Variants in SPEG observed in about 807,000 individuals in gnomAD.
SPEG encodes the protein striated muscle preferentially expressed protein kinase.
Under a neutral mutation model 300.4 loss-of-function variants are expected in SPEG, and 114 were observed. The ratio of observed to expected loss-of-function variants is 0.38; its 90% CI spans 0.33 to 0.44. SPEG has a LOEUF of 0.44. SPEG is among the 20% of genes least tolerant of loss of function. The pLI is 1.00. For missense variants in SPEG, 4,201 were observed against 4,586.2 expected, an observed-to-expected ratio of 0.92 and a Z score of 2.43; for synonymous variants, 1,964 against 2,018.9, an observed-to-expected ratio of 0.97 and a Z score of 0.73.
rs1347414863 is a variant in SPEG at position 219,451,061 on chromosome 2, C to T, written c.2114-75C>T. ...GGGTTTGGCTTTCTAGGATGCAGGCCACCAGGACTCTCTCTCCCGCTGTCA... is the reference window on the plus strand; with the variant it reads ...GGGTTTGGCTTTCTAGGATGCAGGCTACCAGGACTCTCTCTCCCGCTGTCA... On this transcript the variant is annotated intron_variant, in intron 4 of 40. Transcript: ENST00000312358. The surrounding 1 kb of genome is among the most constrained non-coding windows in gnomAD (Gnocchi z 6.4). 9 of 1,434,752 alleles carry T rather than the reference C, an allele frequency of 6.3e-6. No homozygotes were observed. The highest frequency in any genetic ancestry group is 5.2e-5 in the Admixed American group (2 of 38,548). The allele number at this position is 1,434,752 out of a possible 1,614,324, so 88.9% of individuals were successfully genotyped here.
chr2:219,454,410 T>TTAA (rs1451992226), intron 6 of SPEG, among the ~76,000 whole-genome samples: 2 of 152,150 alleles, frequency 1.3e-5, no homozygotes, highest in African/African-American at 2.4e-5. Flanking sequence ...AGAAGTGTGC[T>TTAA]TAACCAAAGC....
chr2:219,488,170 T>C (rs1055503462), intron 31 of SPEG, 24 bp from the exon 32 acceptor site: 29 of 1,549,308 alleles, frequency 1.9e-5, no homozygotes, highest in Non-Finnish European at 2.6e-5. Context: ...TACAGATAGA[T>C]GGCTGTCTCT....
chr2:219,448,513 C>T lies in SPEG; in HGVS notation c.1355C>T (p.Ala452Val). 6.9e-7 allele frequency: 1 copy of T among 1,449,732 alleles called. No individual in the cohort carries two copies. The highest frequency in any genetic ancestry group is 1.4e-5 in the South Asian group (1 of 72,614). The allele number at this position is 1,449,732 out of a possible 1,614,324, so 89.8% of individuals were successfully genotyped here. A position where few individuals can be genotyped will look rare whatever the true frequency, so the allele number is the denominator to read the frequency against. ...GGCGCACCGTGGGGCACCCCCGGGG[C>T]CTCGCAGGAAGAACTGCGGGCGCCA... ...ERGAPWGTPGASQEELRAPGS... is the reference protein window; with the variant it reads ...ERGAPWGTPGVSQEELRAPGS... Residue 452 changes from alanine (A) to valine (V), a missense_variant, in exon 4 of 41, where the codon GCC becomes GTC. Ala to Val is a moderately conservative substitution (Grantham distance 64, BLOSUM62 0). Around this residue, in one of 4 missense-constraint regions of SPEG, gnomAD observed 1,258 missense variants for 1,293.9 expected, o/e 0.97. Transcript: ENST00000312358.
rs1333004147 is a variant in SPEG, at chr2:219,468,691, A to C, written c.3256A>C (p.Lys1086Gln). Residue 1086 changes from lysine to glutamine, a missense_variant, in exon 11 of 41, where the codon AAG becomes CAG. Physicochemically the swap from Lys to Gln is moderately conservative, Grantham distance 53. Transcript: ENST00000312358. Reference sequence around the variant, plus strand: ...GGGCCGAGCTGCCCGTTTCGACTGCAAGATCAGTGGCACCCCGCCCCCTGT... The same window carrying C: ...GGGCCGAGCTGCCCGTTTCGACTGCCAGATCAGTGGCACCCCGCCCCCTGT... ...LEGRAARFDC[K>Q]ISGTPPPVVT... 6.2e-7 allele frequency: 1 copy of C among 1,613,996 alleles called. No homozygotes were observed. Among genetic ancestry groups the C allele is most frequent in the East Asian group, 2.2e-5 (1 of 44,894 alleles).
chr2:219,472,161 G>A (rs1691933922), intron 14 of SPEG, 66 bp from the exon 15 acceptor site: 1 of 1,568,542 alleles, frequency 6.4e-7, no homozygotes, highest in Admixed American at 1.7e-5. Flanking sequence ...CCTGCCCTGA[G>A]GCTCGGTGAT....
chr2:219,470,688 C>T (rs942623643), intron 13 of SPEG, among the ~76,000 whole-genome samples: 4 of 152,302 alleles, frequency 2.6e-5, no homozygotes, highest in African/African-American at 4.8e-5. Flanking sequence ...TCTGTGTCTT[C>T]GCCAGAGACA....
rs1188184382 is a variant in SPEG, at chr2:219,458,290, C to G, written c.2441-3592C>G. The stretch of plus-strand genomic sequence containing the variant: ...AGCCACAAGGGTCATGAGGCTCTGC[C>G]TATGAGGGGAGCTTGGCAAAGAGAC... On this transcript the variant is annotated intron_variant, in intron 6 of 40. Coordinates refer to ENST00000312358, the MANE Select transcript of SPEG (RefSeq NM_005876.5). This position sits in a 1 kb window ranked among gnomAD's most constrained non-coding sequence, Gnocchi z 4.2. Among the ~76,000 whole-genome samples the G allele has an allele frequency of 6.6e-6, 1 of 152,160 alleles. No homozygotes were observed. Among genetic ancestry groups the G allele is most frequent in the African/African-American group, 2.4e-5 (1 of 41,410 alleles).
At chr2:219,450,382 G>A (rs1402196387) in intron 4 of SPEG, among the ~76,000 whole-genome samples, 1 of 152,208 alleles carries the variant, frequency 6.6e-6, no homozygotes, top group Non-Finnish European at 1.5e-5. Flanking sequence ...GCAGAATTGG[G>A]ATTTTCACTG....
rs1259426094 is a variant in SPEG at position 219,493,038 on chromosome 2, A to G, written c.*252A>G. 19 of 694,326 alleles carry G rather than the reference A, an allele frequency of 2.7e-5. No individual in the cohort carries two copies. In the East Asian group the frequency reaches 5.2e-4, roughly 19 times the overall value. The allele number at this position is 694,326 out of a possible 1,614,324, so 43.0% of individuals were successfully genotyped here. ...CAGCAGGGTGGGAACAGGCAGAGGGACAAGAGGGGAATGGAGAAGTGGAGA... is the reference window on the plus strand; with the variant it reads ...CAGCAGGGTGGGAACAGGCAGAGGGGCAAGAGGGGAATGGAGAAGTGGAGA... On this transcript the variant is annotated 3_prime_UTR_variant, in exon 41 of 41. Coordinates refer to ENST00000312358, the MANE Select transcript of SPEG (RefSeq NM_005876.5).
In SPEG at chr2:219,490,404, C is replaced by T; in HGVS notation, c.8922-5C>T. ...GCCGGTGGTGTCCCTCCCCCCGACA[C>T]ACAGGGGCCGCTTTGGTGTTGTGCG... is the stretch of plus-strand genomic sequence containing the variant. On this transcript the variant is annotated splice_region_variant and splice_polypyrimidine_tract_variant and intron_variant, in intron 36 of 40. Coordinates refer to ENST00000312358, the MANE Select transcript of SPEG (RefSeq NM_005876.5). 1 of 1,607,918 alleles carries T rather than the reference C, an allele frequency of 6.2e-7. No individual in the cohort carries two copies. Among genetic ancestry groups the T allele is most frequent in the Non-Finnish European group, 8.5e-7 (1 of 1,177,098 alleles).
chr2:219,441,455 C>G (rs1688910755), intron 1 of SPEG: 2 of 465,144 alleles, frequency 4.3e-6, no homozygotes, highest in South Asian at 3.1e-5. Context: ...CCTTGCCCTG[C>G]GTTTGACCTA....
In SPEG at chr2:219,467,211, C is replaced by T. The variant is rs757462910; in HGVS notation, c.2919C>T (p.Pro973=). The T allele has an allele frequency of 1.3e-6, 2 of 1,594,078 alleles. No homozygotes were observed. The highest frequency in any genetic ancestry group is 1.1e-5 in the South Asian group (1 of 90,444). Residue 973 remains proline, a synonymous_variant, in exon 10 of 41, where the codon CCC becomes CCT. Coordinates refer to ENST00000312358, the MANE Select transcript of SPEG (RefSeq NM_005876.5). ...GCCGGTCCCTGGCCGTGCTGGCCCC[C>T]CTGCAGGACGTGGACGTGGGGGCCG... The part of the protein sequence containing the change: ...PESRSLAVLA[P]LQDVDVGAGE...
chr2:219,465,888 T>TGC (rs1691251434), intron 9 of SPEG: 7 of 632,700 alleles, frequency 1.1e-5, no homozygotes, highest in Non-Finnish European at 2.0e-5. Context: ...TGCGTGTGCA[T>TGC]GTGTGCGTAT....
chr2:219,467,681 G>A (rs1048954647), intron 10 of SPEG, among the ~76,000 whole-genome samples: 15 of 152,248 alleles, frequency 9.9e-5, no homozygotes, highest in Non-Finnish European at 2.2e-4. Flanking sequence ...GGTGAACGTG[G>A]GTTCCCACGC....
At chr2:219,436,623 G>A (rs991021145) in intron 1 of SPEG, among the ~76,000 whole-genome samples, 8 of 152,176 alleles carry the variant, frequency 5.3e-5, no homozygotes, top group Non-Finnish European at 1.0e-4. Flanking sequence ...TCAGGAGAGG[G>A]AGCCGGGCTG....
rs772243155 is a variant in SPEG at position 219,451,582 on chromosome 2, G to A, written c.2258-43G>A. The A allele has an allele frequency of 2.7e-6, 4 of 1,460,016 alleles. No homozygotes were observed. Among genetic ancestry groups the A allele is most frequent in the Middle Eastern group, 2.1e-4 (1 of 4,790 alleles). 90.4% of individuals were successfully genotyped at this position (1,460,016 alleles called of 1,614,324 possible). A position where few individuals can be genotyped will look rare whatever the true frequency, so the allele number is the denominator to read the frequency against. Reference sequence around the variant, plus strand: ...GTAGGAGTAGAGATTCTCAGTGGGCGCCTGTGGGCCGTGGCGAGCCGGGTC... The same window carrying A: ...GTAGGAGTAGAGATTCTCAGTGGGCACCTGTGGGCCGTGGCGAGCCGGGTC... On this transcript the variant is annotated intron_variant, in intron 5 of 40. Coordinates refer to ENST00000312358, the MANE Select transcript of SPEG (RefSeq NM_005876.5). This position sits in a 1 kb window ranked among gnomAD's most constrained non-coding sequence, Gnocchi z 6.4.
In SPEG at chr2:219,439,492, C is replaced by A. The variant is rs552694548; in HGVS notation, c.388+4127C>A. On this transcript the variant is annotated intron_variant, in intron 1 of 40. Coordinates refer to ENST00000312358, the MANE Select transcript of SPEG (RefSeq NM_005876.5). This position sits in a 1 kb window ranked among gnomAD's most constrained non-coding sequence, Gnocchi z 4.5. ...CTGAACTGAGGCAGGAAAGAGGAGA[C>A]AAAAGGGAGGTGGGGTGGGAGCTTG... Among the ~76,000 whole-genome samples the A allele has an allele frequency of 2.0e-5, 3 of 152,202 alleles. No homozygotes were observed. In the East Asian group the frequency reaches 5.8e-4, roughly 29 times the overall value.
intron 4 of SPEG, chr2:219,450,903 A>C: frequency 2.2e-6 from 1 of 444,974 alleles, no homozygotes; most frequent in Non-Finnish European, 4.0e-6. Context: ...AGGAACGGCC[A>C]CACTAACATG....
chr2:219,440,330 G>A (rs1376011134), intron 1 of SPEG, among the ~76,000 whole-genome samples: 1 of 152,144 alleles, frequency 6.6e-6, no homozygotes, highest in Non-Finnish European at 1.5e-5. Flanking sequence ...CAAGGTTGCA[G>A]TGAGCCATGA....
Sources: allele counts gnomAD v4.1 joint callset (sites outside exome capture counted in the v4.1 genomes callset), GRCh38; gene constraint gnomAD v4.1.1; regional missense constraint gnomAD v4.1.1; non-coding constraint Gnocchi (gnomAD v3.1); transcripts MANE v1.5; gene names NCBI Gene and HGNC (gene_info 2026-07-23, HGNC 2026-07-21).